Variants in TSC22D3 observed in about 807,000 individuals in gnomAD.
TSC22D3 encodes the protein TSC22 domain family member 3.
Under a neutral mutation model 11.1 loss-of-function variants are expected in TSC22D3, and 4 were observed. That is an observed-to-expected ratio of 0.36 (90% confidence interval 0.18 to 0.83). TSC22D3 has a LOEUF of 0.83. TSC22D3 is among the 40% of genes least tolerant of loss of function. The probability of loss-of-function intolerance (pLI) is 0.48; values close to 1 mark genes in which losing one functional copy is unlikely to be tolerated. For synonymous variants in TSC22D3, 77 were observed against 70.3 expected, an observed-to-expected ratio of 1.10 and a Z score of -0.48; for missense variants, 118 against 159.4, an observed-to-expected ratio of 0.74 and a Z score of 1.40.
At chrX:107,736,808 TGA>T (rs1193428094) in intron 1 of TSC22D3, among the ~76,000 whole-genome samples, 3 of 111,327 alleles carry the variant, frequency 2.7e-5, no homozygotes, top group Non-Finnish European at 5.7e-5. Flanking sequence ...TAGAAGGAGC[TGA>T]GAGGCCTGGA....
intron 1 of TSC22D3, among the ~76,000 whole-genome samples, chrX:107,755,655 T>TC (rs746158717): frequency 1.8e-5 from 2 of 112,503 alleles, no homozygotes; most frequent in East Asian, 5.5e-4. Flanking sequence ...CGTACACATT[T>TC]CCCACCAAAT....
At chrX:107,741,043 C>T (rs1191406163) in intron 1 of TSC22D3, among the ~76,000 whole-genome samples, 1 of 110,638 alleles carries the variant, frequency 9.0e-6, no homozygotes, top group East Asian at 2.9e-4. Flanking sequence ...CCTAAGCCAT[C>T]TCCAGGGGTC....
intron 1 of TSC22D3, among the ~76,000 whole-genome samples, chrX:107,726,014 TCCC>T (rs2147733262): frequency 9.0e-6 from 1 of 110,885 alleles, no homozygotes; most frequent in South Asian, 3.8e-4. Context: ...TGTGACTCAT[TCCC>T]CCCTCAAAAA....
At chrX:107,724,528 C>T (rs1217136002) in intron 1 of TSC22D3, among the ~76,000 whole-genome samples, 2 of 113,417 alleles carry the variant, frequency 1.8e-5, no homozygotes, top group African/African-American at 3.2e-5. Flanking sequence ...CATCCGCCCC[C>T]CTTCCCCTAT....
intron 1 of TSC22D3, among the ~76,000 whole-genome samples, chrX:107,767,265 A>G (rs1370436360): frequency 8.9e-6 from 1 of 111,751 alleles, no homozygotes; most frequent in Non-Finnish European, 1.9e-5. Flanking sequence ...TGCTCTGTCC[A>G]TAGGCAGGGG....
chrX:107,751,869 A>T (rs571423127), intron 1 of TSC22D3, among the ~76,000 whole-genome samples: 1 of 112,526 alleles, frequency 8.9e-6, no homozygotes, highest in East Asian at 2.8e-4. Context: ...ACTCAACTCT[A>T]CTTGCCCTAG....
intron 1 of TSC22D3, among the ~76,000 whole-genome samples, chrX:107,744,016 C>T (rs967228395): frequency 2.7e-5 from 3 of 112,332 alleles, no homozygotes; most frequent in African/African-American, 9.7e-5. Context: ...GGTGATAAGC[C>T]ATGGGAAACT....
intron 1 of TSC22D3, among the ~76,000 whole-genome samples, chrX:107,737,349 GA>G (rs1928189338): frequency 8.9e-6 from 1 of 112,190 alleles, no homozygotes; most frequent in African/African-American, 3.2e-5. Flanking sequence ...AGAGATTCTG[GA>G]AGCTCAACCC....
At chrX:107,739,423 T>C (rs1038068400) in intron 1 of TSC22D3, among the ~76,000 whole-genome samples, 11 of 112,444 alleles carry the variant, frequency 9.8e-5, no homozygotes, top group Admixed American at 1.9e-4. Flanking sequence ...TTCAGGGAGA[T>C]GGTCATAAAT....
chrX:107,774,449 A>G (rs1930043352), intron 1 of TSC22D3, among the ~76,000 whole-genome samples: 2 of 111,374 alleles, frequency 1.8e-5, no homozygotes, highest in Admixed American at 1.9e-4. Context: ...TGAGGCACTC[A>G]AGATGTCCTA....
intron 1 of TSC22D3, among the ~76,000 whole-genome samples, chrX:107,726,501 C>T (rs1418827442): frequency 8.9e-6 from 1 of 112,409 alleles, no homozygotes; most frequent in Non-Finnish European, 1.9e-5. Flanking sequence ...AAAATAACAT[C>T]CCCGGCCCTT....
chrX:107,772,210 T>C (rs771945740), intron 1 of TSC22D3, among the ~76,000 whole-genome samples: 1 of 111,356 alleles, frequency 9.0e-6, no homozygotes, highest in African/African-American at 3.3e-5. Flanking sequence ...ATAGGAGCCC[T>C]CTTGGCAAAG....
chrX:107,762,502 C>G (rs1320217922), intron 1 of TSC22D3, among the ~76,000 whole-genome samples: 2 of 111,886 alleles, frequency 1.8e-5, no homozygotes, highest in Non-Finnish European at 3.8e-5. Flanking sequence ...CTTATAAGCA[C>G]CTGGTCCTGA....
intron 1 of TSC22D3, among the ~76,000 whole-genome samples, chrX:107,770,566 G>A (rs1361882501): frequency 9.0e-6 from 1 of 111,641 alleles, no homozygotes. Context: ...ACCAGTTGGG[G>A]CCAGGTCAGA....
chrX:107,727,045 A>T, intron 1 of TSC22D3, among the ~76,000 whole-genome samples: 1 of 111,771 alleles, frequency 8.9e-6, no homozygotes, highest in Admixed American at 9.5e-5. Context: ...AGAGTTTCAC[A>T]GATACTCCTT....
In TSC22D3 at chrX:107,714,468, A is replaced by G. The variant is rs1412650462; in HGVS notation, c.*51T>C. On this transcript the variant is annotated 3_prime_UTR_variant, in exon 3 of 3. Coordinates refer to ENST00000372383, the MANE Select transcript of TSC22D3 (RefSeq NM_198057.3). ...GGGGAGCCAAAAACAAACTGGAAAG[A>G]ACTAGGTAAAACAAGTTTAGTGGCT... is the stretch of plus-strand genomic sequence containing the variant. 9.1e-7 allele frequency: 1 copy of G among 1,099,967 alleles called. No homozygotes were observed. Among genetic ancestry groups the G allele is most frequent in the Non-Finnish European group, 1.2e-6 (1 of 811,975 alleles). 90.6% of individuals were successfully genotyped at this position (1,099,967 alleles called of 1,213,427 possible). A position where few individuals can be genotyped will look rare whatever the true frequency, so the allele number is the denominator to read the frequency against.
intron 1 of TSC22D3, among the ~76,000 whole-genome samples, chrX:107,757,870 T>C (rs984612158): frequency 2.7e-5 from 3 of 110,890 alleles, no homozygotes; most frequent in Non-Finnish European, 5.7e-5. Context: ...TGAAACTCTG[T>C]CTCTACAAAA....
At chrX:107,744,344 G>T (rs770125303) in intron 1 of TSC22D3, among the ~76,000 whole-genome samples, 6 of 110,901 alleles carry the variant, frequency 5.4e-5, no homozygotes. Flanking sequence ...GGCTGGGTGC[G>T]GTGGCTCACA....
intron 1 of TSC22D3, chrX:107,716,962 C>G (rs1376375467): frequency 1.9e-6 from 2 of 1,056,857 alleles, no homozygotes; most frequent in Non-Finnish European, 2.4e-6. Context: ...AGAACGAACC[C>G]AAAGCCAAGC....
Sources: gnomAD v4.1 joint callset for allele counts (sites outside exome capture counted in the v4.1 genomes callset) on GRCh38, gnomAD v4.1.1 for gene constraint, MANE v1.5 for transcripts, NCBI Gene and HGNC (gene_info 2026-07-23, HGNC 2026-07-21) for gene names.